Variants in SORL1 observed in about 807,000 individuals in gnomAD.
SORL1 encodes the protein sortilin-related receptor.
A neutral mutation model predicts 273.7 loss-of-function variants in SORL1; 127 were observed. That is an observed-to-expected ratio of 0.46 (90% CI 0.40 to 0.54). The LOEUF is 0.54. SORL1 is among the 20% of genes least tolerant of loss of function. The probability of loss-of-function intolerance (pLI) is 0.00; values close to 1 mark genes in which losing one functional copy is unlikely to be tolerated. For missense variants in SORL1, 2,494 were observed against 2,846.1 expected (o/e 0.88, Z 2.81); for synonymous variants, 1,031 against 1,067.4 (o/e 0.97, Z 0.66).
intron 18 of SORL1, among the ~76,000 whole-genome samples, chr11:121,556,207 G>T (rs1277609413): frequency 1.3e-5 from 2 of 152,204 alleles, no homozygotes; most frequent in Non-Finnish European, 2.9e-5. Context: ...AAAGCAGTGG[G>T]CAGGACACAC....
chr11:121,543,484 T>A, intron 12 of SORL1, 64 bp from the exon 13 acceptor site: 1 of 1,393,886 alleles, frequency 7.2e-7, no homozygotes, highest in Non-Finnish European at 1.0e-6. Flanking sequence ...GAATGTTATA[T>A]GGAAACCAAG....
rs987283417 is a variant in SORL1 at position 121,630,052 on chromosome 11, A to G, written c.*489A>G. On this transcript the variant is annotated 3_prime_UTR_variant, in exon 48 of 48. Coordinates refer to ENST00000260197, the MANE Select transcript of SORL1 (RefSeq NM_003105.6). ...TTTCTTTATGTTATTTTGTTAATTT[A>G]TTGGGACTCTGTGTAAGGCCAGGCT... The G allele has an allele frequency of 6.2e-6, 1 of 162,458 alleles. No individual in the cohort carries two copies. Among genetic ancestry groups the G allele is most frequent in the African/African-American group, 2.4e-5 (1 of 41,468 alleles). The allele number at this position is 162,458 out of a possible 1,614,324, so 10.1% of individuals were successfully genotyped here.
chr11:121,610,698 C>T (rs726601), intron 38 of SORL1: 50,107 of 166,250 alleles, frequency 0.3, 8,746 homozygotes, highest in East Asian at 0.58. Flanking sequence ...GTCAGCCTTC[C>T]GAAAGGACTT....
chr11:121,584,936 T>G (rs189307886), intron 26 of SORL1, among the ~76,000 whole-genome samples: 1 of 152,194 alleles, frequency 6.6e-6, no homozygotes, highest in South Asian at 2.1e-4. Context: ...AACTTTTTGC[T>G]CAGGAGAAAG....
At chr11:121,491,969 T>A (rs1481936509) in intron 5 of SORL1, among the ~76,000 whole-genome samples, 1 of 152,196 alleles carries the variant, frequency 6.6e-6, no homozygotes, top group African/African-American at 2.4e-5. Context: ...ACCAAAGATA[T>A]ACTTACTGCT....
In SORL1 at chr11:121,452,637, C is replaced by A. The variant is rs756853319; in HGVS notation, c.285+21C>A. ...GACAGGTGAGCAGTTTTGCAACCCG[C>A]CTCCCTCCAGTTTTTTCCTCTCCCT... On this transcript the variant is annotated intron_variant, in intron 1 of 47. Coordinates refer to ENST00000260197, the MANE Select transcript of SORL1 (RefSeq NM_003105.6). This position sits in a 1 kb window ranked among gnomAD's most constrained non-coding sequence, Gnocchi z 5.3. 23 of 1,438,766 alleles carry A rather than the reference C, an allele frequency of 1.6e-5. No homozygotes were observed. The East Asian group carries it at 6.2e-4, about 39-fold the overall frequency. The allele number at this position is 1,438,766 out of a possible 1,614,324, so 89.1% of individuals were successfully genotyped here. A position where few individuals can be genotyped will look rare whatever the true frequency, so the allele number is the denominator to read the frequency against.
intron 11 of SORL1, among the ~76,000 whole-genome samples, chr11:121,531,717 C>G (rs1318763141): frequency 6.6e-6 from 1 of 152,188 alleles, no homozygotes; most frequent in Non-Finnish European, 1.5e-5. Flanking sequence ...CTGTTTCATG[C>G]ACGTACACTT....
chr11:121,469,526 T>G (rs1861139360), intron 1 of SORL1, among the ~76,000 whole-genome samples: 1 of 152,364 alleles, frequency 6.6e-6, no homozygotes, highest in African/African-American at 2.4e-5. Flanking sequence ...TCATTTCTCA[T>G]TACCAGCTGA....
At chr11:121,535,846 T>G (rs1862259484) in intron 12 of SORL1, among the ~76,000 whole-genome samples, 1 of 152,152 alleles carries the variant, frequency 6.6e-6, no homozygotes, top group African/African-American at 2.4e-5. Context: ...GAACACTTTG[T>G]TTTGCTCTTG....
At chr11:121,464,031 A>G (rs1306024291) in intron 1 of SORL1, among the ~76,000 whole-genome samples, 1 of 152,210 alleles carries the variant, frequency 6.6e-6, no homozygotes, top group Non-Finnish European at 1.5e-5. Flanking sequence ...GTTGAAGGAC[A>G]GGATATTTGT....
At chr11:121,571,402 CTT>C (rs1263237150) in intron 23 of SORL1, among the ~76,000 whole-genome samples, 1 of 152,210 alleles carries the variant, frequency 6.6e-6, no homozygotes, top group Non-Finnish European at 1.5e-5. Flanking sequence ...GCTTTGTGGA[CTT>C]TATCGGAGAA....
intron 11 of SORL1, among the ~76,000 whole-genome samples, chr11:121,531,749 C>T (rs1402743125): frequency 1.3e-5 from 2 of 152,176 alleles, no homozygotes; most frequent in African/African-American, 2.4e-5. Flanking sequence ...CTGCGACTTG[C>T]GTAAGTTCAT....
chr11:121,487,037 C>T lies in SORL1; in HGVS notation c.529-995C>T, dbSNP rs528606017. ...GTGCCCAAACCCACACTGCCCTAGA[C>T]GTGGAATATTCTTTCCCTGTGGGAG... On this transcript the variant is annotated intron_variant, in intron 3 of 47. Coordinates refer to ENST00000260197, the MANE Select transcript of SORL1 (RefSeq NM_003105.6). Among the ~76,000 whole-genome samples, 28 of 152,310 alleles carry T rather than the reference C, an allele frequency of 1.8e-4. No individual in the cohort carries two copies. In the East Asian group the frequency reaches 4.6e-3, roughly 25 times the overall value.
intron 3 of SORL1, among the ~76,000 whole-genome samples, chr11:121,484,635 A>G (rs776984345): frequency 2.0e-5 from 3 of 152,100 alleles, no homozygotes; most frequent in Non-Finnish European, 2.9e-5. Context: ...TGAAGAACTC[A>G]AGTTTTGCGT....
chr11:121,608,293 C>T, intron 38 of SORL1, 117 bp downstream of exon 38: 2 of 842,242 alleles, frequency 2.4e-6, no homozygotes, highest in Non-Finnish European at 3.8e-6. Context: ...ACACAACTTT[C>T]TTCTCCCCAA....
chr11:121,489,951 A>G, intron 4 of SORL1, 92 bp from the exon 5 acceptor site: 1 of 921,224 alleles, frequency 1.1e-6, no homozygotes, highest in Non-Finnish European at 1.8e-6. Flanking sequence ...ACAGCGTGTC[A>G]TGGAAGGTGG....
At chr11:121,475,813 C>T (rs1861258475) in intron 2 of SORL1, among the ~76,000 whole-genome samples, 1 of 152,192 alleles carries the variant, frequency 6.6e-6, no homozygotes, top group South Asian at 2.1e-4. Context: ...TTGTTTATCT[C>T]TTAAATGGAA....
intron 12 of SORL1, among the ~76,000 whole-genome samples, chr11:121,542,054 T>G (rs1262049987): frequency 2.6e-5 from 4 of 152,220 alleles, no homozygotes; most frequent in Non-Finnish European, 4.4e-5. Context: ...TTGCTCTACT[T>G]CTATCATTGG....
At chr11:121,497,077 T>A (rs1418643006) in intron 6 of SORL1, 28 bp downstream of exon 6, 1 of 1,587,262 alleles carries the variant, frequency 6.3e-7, no homozygotes, top group Non-Finnish European at 8.6e-7. Flanking sequence ...AAGAATAAAC[T>A]ACTTTTGAGT....
Sources: allele counts gnomAD v4.1 joint callset (sites outside exome capture counted in the v4.1 genomes callset), GRCh38; gene constraint gnomAD v4.1.1; non-coding constraint Gnocchi (gnomAD v3.1); transcripts MANE v1.5; gene names NCBI Gene and HGNC (gene_info 2026-07-23, HGNC 2026-07-21).